RANBP17: variants seen among roughly 807,000 people sequenced by gnomAD.
RANBP17 encodes the protein RAN binding protein 17.
A neutral mutation model predicts 141.2 loss-of-function variants in RANBP17; 158 were observed. The observed-to-expected ratio is 1.12, with a 90% CI of 0.98 to 1.28. RANBP17 has a LOEUF of 1.28. RANBP17 is among the 50% of genes most tolerant of loss of function. The pLI is 0.00. For missense variants in RANBP17, 1,438 were observed against 1,290.7 expected (o/e 1.11, Z -1.75); for synonymous variants, 430 against 450.0 (o/e 0.96, Z 0.56).
At chr5:171,000,766 G>A (rs1245499884) in intron 14 of RANBP17, among the ~76,000 whole-genome samples, 1 of 152,074 alleles carries the variant, frequency 6.6e-6, no homozygotes, top group Non-Finnish European at 1.5e-5. Flanking sequence ...GGCAGGGGGT[G>A]GATCTCACAA....
chr5:171,095,243 C>G (rs1456187301), intron 14 of RANBP17, among the ~76,000 whole-genome samples: 1 of 152,184 alleles, frequency 6.6e-6, no homozygotes, highest in Non-Finnish European at 1.5e-5. Flanking sequence ...TAAATACACT[C>G]TCACTGAAGA....
At chr5:171,231,935 A>G (rs1483861992) in intron 22 of RANBP17, among the ~76,000 whole-genome samples, 1 of 152,212 alleles carries the variant, frequency 6.6e-6, no homozygotes, top group African/African-American at 2.4e-5. Context: ...TGCTACAAAT[A>G]GCAAAATGCT....
chr5:171,288,247 A>C (rs1362914437), intron 25 of RANBP17, among the ~76,000 whole-genome samples: 1 of 152,188 alleles, frequency 6.6e-6, no homozygotes, highest in East Asian at 1.9e-4. Context: ...TCCAGGAATC[A>C]CTACCCTGGA....
intron 14 of RANBP17, among the ~76,000 whole-genome samples, chr5:171,035,624 A>C (rs560913329): frequency 6.7e-6 from 1 of 150,014 alleles, no homozygotes; most frequent in Admixed American, 6.7e-5. Flanking sequence ...ACACTGAGGC[A>C]TTTACCCAGT....
chr5:170,972,731 C>T (rs1252825237), intron 14 of RANBP17, among the ~76,000 whole-genome samples: 1 of 152,024 alleles, frequency 6.6e-6, no homozygotes, highest in Non-Finnish European at 1.5e-5. Flanking sequence ...AATTGCTGGG[C>T]TGTAAAATGT....
In RANBP17 at chr5:170,892,555, T is replaced by A. The variant is rs1462323688; in HGVS notation, c.423+2T>A. 1 of 1,612,338 alleles carries A rather than the reference T, an allele frequency of 6.2e-7. No homozygotes were observed. The highest frequency in any genetic ancestry group is 8.5e-7 in the Non-Finnish European group (1 of 1,179,184). ...GCTGATGTGAAGAAGTTTCTCCAGG[T>A]AAGAAGTCATTGCTACATGGTTAGA... is the stretch of plus-strand genomic sequence containing the variant. On this transcript the variant is annotated splice_donor_variant, in intron 4 of 27. Transcript: ENST00000523189. LOFTEE classifies it high-confidence loss of function.
intron 14 of RANBP17, among the ~76,000 whole-genome samples, chr5:171,078,442 C>A (rs960382171): frequency 6.6e-6 from 1 of 152,180 alleles, no homozygotes; most frequent in African/African-American, 2.4e-5. Flanking sequence ...GGGCATGAGC[C>A]ACCATGCCTG....
intron 6 of RANBP17, 154 bp downstream of exon 6, chr5:170,909,919 C>G: frequency 2.0e-6 from 1 of 494,654 alleles, no homozygotes; most frequent in Non-Finnish European, 3.5e-6. Flanking sequence ...AGTCTGTAAG[C>G]AGTTCCAAAA....
chr5:170,885,272 A>G (rs909385780), intron 3 of RANBP17, among the ~76,000 whole-genome samples: 4 of 152,202 alleles, frequency 2.6e-5, no homozygotes, highest in African/African-American at 9.6e-5. Context: ...GTAGAAGATA[A>G]TCTTCTCTGA....
chr5:171,043,564 G>A (rs1006712683), intron 14 of RANBP17, among the ~76,000 whole-genome samples: 1 of 152,082 alleles, frequency 6.6e-6, no homozygotes, highest in African/African-American at 2.4e-5. Context: ...GATCACATAG[G>A]CTAGCCAACA....
chr5:171,011,118 A>C (rs1407571802), intron 14 of RANBP17, among the ~76,000 whole-genome samples: 1 of 152,146 alleles, frequency 6.6e-6, no homozygotes, highest in African/African-American at 2.4e-5. Flanking sequence ...TTGCAGACTA[A>C]CATCTCTCAT....
chr5:171,260,917 A>G (rs935890232), intron 24 of RANBP17, among the ~76,000 whole-genome samples: 5 of 152,198 alleles, frequency 3.3e-5, no homozygotes, highest in African/African-American at 1.2e-4. Context: ...ATCATTTCCC[A>G]TGAAGTTCAT....
intron 25 of RANBP17, chr5:171,271,682 C>CA (rs1176366606): frequency 4.8e-6 from 1 of 207,498 alleles, no homozygotes; most frequent in Non-Finnish European, 9.8e-6. Context: ...ATATTGATAT[C>CA]AAAAACAAAC....
chr5:171,011,584 C>A (rs1780035961), intron 14 of RANBP17, among the ~76,000 whole-genome samples: 2 of 152,000 alleles, frequency 1.3e-5, no homozygotes. Context: ...TTTTACCTCT[C>A]TCTTTCTACA....
At position 170,968,436 on chromosome 5, in the gene RANBP17, T is replaced by A; in HGVS notation, c.1710+59T>A. ...TTGGGGATGAAGAAAGATGTACATA[T>A]ATAACTGAATGATATATTTGGGAAA... On this transcript the variant is annotated intron_variant, in intron 14 of 27. Transcript: ENST00000523189. The A allele has an allele frequency of 2.1e-6, 3 of 1,426,148 alleles. No homozygotes were observed. In the Middle Eastern group the frequency reaches 5.4e-4, roughly 255 times the overall value. 88.3% of individuals were successfully genotyped at this position (1,426,148 alleles called of 1,614,324 possible).
At chr5:171,064,490 A>G (rs182344540) in intron 14 of RANBP17, among the ~76,000 whole-genome samples, 2 of 152,028 alleles carry the variant, frequency 1.3e-5, no homozygotes, top group East Asian at 1.9e-4. Flanking sequence ...ATCTTTGCCC[A>G]TTTGTTTGTT....
intron 14 of RANBP17, among the ~76,000 whole-genome samples, chr5:171,151,665 T>TA (rs1172160638): frequency 6.6e-6 from 1 of 152,192 alleles, no homozygotes; most frequent in Non-Finnish European, 1.5e-5. Flanking sequence ...GAGAGACAGT[T>TA]ATGAACTAGG....
At chr5:171,063,625 TGAG>T (rs1425461384) in intron 14 of RANBP17, among the ~76,000 whole-genome samples, 4 of 152,354 alleles carry the variant, frequency 2.6e-5, no homozygotes, top group East Asian at 3.9e-4. Context: ...GGGACCGACT[TGAG>T]GAGGCAGTCT....
At chr5:171,045,951 T>A (rs557376197) in intron 14 of RANBP17, among the ~76,000 whole-genome samples, 18 of 152,304 alleles carry the variant, frequency 1.2e-4, no homozygotes, top group South Asian at 4.1e-4. Context: ...GAATGTTATG[T>A]AAATGGAATC....
Sources: gnomAD v4.1 joint callset for allele counts (sites outside exome capture counted in the v4.1 genomes callset) on GRCh38, gnomAD v4.1.1 for gene constraint, MANE v1.5 for transcripts, NCBI Gene and HGNC (gene_info 2026-07-23, HGNC 2026-07-21) for gene names.